Variants in PPP2R2A observed in about 807,000 individuals in gnomAD.
PPP2R2A encodes serine/threonine-protein phosphatase 2A 55 kDa regulatory subunit B alpha isoform.
Under a neutral mutation model 53.2 loss-of-function variants are expected in PPP2R2A, and 9 were observed. The observed-to-expected ratio is 0.17, with a 90% confidence interval of 0.10 to 0.30. The LOEUF is 0.30. PPP2R2A is among the 10% of genes least tolerant of loss of function. PPP2R2A has a pLI of 1.00. For missense variants in PPP2R2A, 235 were observed against 534.6 expected, an observed-to-expected ratio of 0.44 and a Z score of 5.53; for synonymous variants, 169 against 174.2, an observed-to-expected ratio of 0.97 and a Z score of 0.23.
intron 8 of PPP2R2A, 87 bp downstream of exon 8, chr8:26,363,977 C>G: frequency 8.0e-7 from 1 of 1,248,472 alleles, no homozygotes; most frequent in Non-Finnish European, 1.1e-6. Flanking sequence ...GGTTTTAATC[C>G]CTGTATGGTG....
intron 2 of PPP2R2A, among the ~76,000 whole-genome samples, chr8:26,316,691 T>C: frequency 6.6e-6 from 1 of 152,354 alleles, no homozygotes; most frequent in East Asian, 1.9e-4. Context: ...TCAAGGCAAC[T>C]GCAGATCTGG....
intron 2 of PPP2R2A, among the ~76,000 whole-genome samples, chr8:26,337,073 A>T (rs1204421194): frequency 6.6e-6 from 1 of 152,158 alleles, no homozygotes; most frequent in Non-Finnish European, 1.5e-5. Context: ...GGAAAGAGAT[A>T]AAATAAGTAA....
At chr8:26,330,227 A>C (rs1359476627) in intron 2 of PPP2R2A, among the ~76,000 whole-genome samples, 3 of 151,864 alleles carry the variant, frequency 2.0e-5, no homozygotes, top group Non-Finnish European at 4.4e-5. Flanking sequence ...TTCACTTCAA[A>C]TAGTATGTTT....
intron 1 of PPP2R2A, 133 bp from the exon 2 acceptor site, chr8:26,293,533 G>A (rs781659034): frequency 1.1e-5 from 9 of 832,724 alleles, no homozygotes; most frequent in Non-Finnish European, 1.7e-5. Flanking sequence ...CCAAACTGGT[G>A]CTCTTGGTGG....
chr8:26,327,897 A>C (rs1803176158), intron 2 of PPP2R2A, among the ~76,000 whole-genome samples: 1 of 152,182 alleles, frequency 6.6e-6, no homozygotes, highest in Non-Finnish European at 1.5e-5. Context: ...CATTGGAACA[A>C]ACCAGATCAA....
At chr8:26,313,195 G>A (rs936318704) in intron 2 of PPP2R2A, among the ~76,000 whole-genome samples, 7 of 151,726 alleles carry the variant, frequency 4.6e-5, no homozygotes, top group African/African-American at 1.2e-4. Flanking sequence ...CACCATGCCT[G>A]GCTAATTTTT....
At position 26,362,292 on chromosome 8, in the gene PPP2R2A, C is replaced by T. The variant is rs567958819; in HGVS notation, c.638-392C>T. ...CGGATGGATCATGAGGTCAGGAGGT[C>T]GAGACCAGCCTGGCCAACATAGTGA... On this transcript the variant is annotated intron_variant, in intron 6 of 9. Coordinates refer to ENST00000380737, the MANE Select transcript of PPP2R2A (RefSeq NM_002717.4). The surrounding 1 kb of genome is among the most constrained non-coding windows in gnomAD (Gnocchi z 4.4). 5.4e-4 allele frequency among the ~76,000 whole-genome samples: 80 copies of T among 149,070 alleles called. No individual in the cohort carries two copies. Among genetic ancestry groups the T allele is most frequent in the African/African-American group, 1.9e-3 (78 of 40,472 alleles).
intron 2 of PPP2R2A, among the ~76,000 whole-genome samples, chr8:26,327,440 A>G (rs112254134): frequency 1.6e-4 from 24 of 152,340 alleles, no homozygotes; most frequent in African/African-American, 5.5e-4. Context: ...GAGTAGGTCA[A>G]GCTTTATTCA....
chr8:26,344,506 AAT>A (rs1362710496), intron 3 of PPP2R2A, among the ~76,000 whole-genome samples: 8 of 152,238 alleles, frequency 5.3e-5, no homozygotes, highest in Admixed American at 3.3e-4. Context: ...TAGACTTTTT[AAT>A]ATGAGCTATT....
chr8:26,368,844 C>T (rs1313896683), intron 9 of PPP2R2A, among the ~76,000 whole-genome samples: 2 of 152,082 alleles, frequency 1.3e-5, no homozygotes, highest in African/African-American at 4.8e-5. Flanking sequence ...CGGTGGCTCA[C>T]GCCTGTAATC....
rs1236863895 is a variant in PPP2R2A at position 26,326,159 on chromosome 8, C to T, written c.83-12731C>T. Among the ~76,000 whole-genome samples the T allele has an allele frequency of 1.1e-4, 16 of 152,298 alleles. No homozygotes were observed. In the East Asian group the frequency reaches 3.1e-3, roughly 29 times the overall value. The stretch of plus-strand genomic sequence containing the variant: ...CTTGTTAGGTAAATGTTAAATGTTG[C>T]TGTCTAATGATAACCATATTTTACT... On this transcript the variant is annotated intron_variant, in intron 2 of 9. Transcript: ENST00000380737.
At chr8:26,325,678 T>C (rs2117281147) in intron 2 of PPP2R2A, among the ~76,000 whole-genome samples, 1 of 152,316 alleles carries the variant, frequency 6.6e-6, no homozygotes, top group South Asian at 2.1e-4. Flanking sequence ...ACTTTGGAAA[T>C]GTATCTTAAA....
chr8:26,296,598 T>C (rs917382245), intron 2 of PPP2R2A, among the ~76,000 whole-genome samples: 8 of 152,250 alleles, frequency 5.3e-5, no homozygotes, highest in African/African-American at 1.4e-4. Context: ...GTACCCCACA[T>C]CTCTACTGTT....
chr8:26,344,700 T>C (rs940212961), intron 3 of PPP2R2A, among the ~76,000 whole-genome samples: 2 of 152,200 alleles, frequency 1.3e-5, no homozygotes, highest in African/African-American at 2.4e-5. Flanking sequence ...TGTTAATCTT[T>C]TGGGGCTCCT....
In PPP2R2A at chr8:26,293,674, G is replaced by A; in HGVS notation, c.16G>A (p.Gly6Arg). The A allele has an allele frequency of 1.9e-6, 3 of 1,611,812 alleles. No individual in the cohort carries two copies. The highest frequency in any genetic ancestry group is 1.7e-6 in the Non-Finnish European group (2 of 1,179,138). ...ATGTTTTCTTTTTCCAGGAGCTGGA[G>A]GAGGGAATGATATTCAGTGGTGTTT... MAGAG[G>R]GNDIQWCFSQ... is the part of the protein sequence containing the mutation. Residue 6 changes from glycine to arginine, a missense_variant, in exon 2 of 10, where the codon GGA becomes AGA. Around this residue, in one of 3 missense-constraint regions of PPP2R2A, gnomAD observed 51 missense variants for 80.6 expected, o/e 0.63. Transcript: ENST00000380737.
At position 26,366,362 on chromosome 8, in the gene PPP2R2A, C is replaced by T. The variant is rs1349077101; in HGVS notation, c.1020C>T (p.Asp340=). The T allele has an allele frequency of 6.2e-7, 1 of 1,600,214 alleles. No homozygotes were observed. The highest frequency in any genetic ancestry group is 8.5e-7 in the Non-Finnish European group (1 of 1,175,356). The change falls in exon 9 of 10, where the codon GAC becomes GAT. Residue 340 remains aspartate, a synonymous_variant. Transcript: ENST00000380737. Reference sequence around the variant, plus strand: ...AACTCTGTTCACTGTATGAAAATGACTGCATATTTGACAAATTTGAATGTT... The same window carrying T: ...AACTCTGTTCACTGTATGAAAATGATTGCATATTTGACAAATTTGAATGTT... ...RSKLCSLYEN[D]CIFDKFECCW...
rs554575040 is a variant in PPP2R2A at position 26,331,065 on chromosome 8, A to G, written c.83-7825A>G. On this transcript the variant is annotated intron_variant, in intron 2 of 9. Coordinates refer to ENST00000380737, the MANE Select transcript of PPP2R2A (RefSeq NM_002717.4). ...ATGTCACTTCATAGATGCCCAGATC[A>G]GTATTCAGCCAAAGATTCTAAGTGA... 2.6e-5 allele frequency among the ~76,000 whole-genome samples: 4 copies of G among 152,228 alleles called. No homozygotes were observed. In the South Asian group the frequency reaches 8.3e-4, roughly 32 times the overall value.
At position 26,300,800 on chromosome 8, in the gene PPP2R2A, G is replaced by A. The variant is rs566565628; in HGVS notation, c.82+7060G>A. On this transcript the variant is annotated intron_variant, in intron 2 of 9. Coordinates refer to ENST00000380737, the MANE Select transcript of PPP2R2A (RefSeq NM_002717.4). ...TGGGAGGTGGAGGTTGCAGTGAGCC[G>A]AGATCGTGCCACTGCACTCCAGCCT... 8.6e-4 allele frequency among the ~76,000 whole-genome samples: 131 copies of A among 152,244 alleles called. 4 individuals carry two copies. In the South Asian group the frequency reaches 0.026, roughly 30 times the overall value.
rs367839260 is a variant in PPP2R2A, at chr8:26,308,900, G to T, written c.82+15160G>T. Among the ~76,000 whole-genome samples the T allele has an allele frequency of 5.3e-5, 8 of 151,910 alleles. No homozygotes were observed. In the East Asian group the frequency reaches 1.2e-3, roughly 22 times the overall value. The stretch of plus-strand genomic sequence containing the variant: ...CTTTTTTTGAGATAGGGTCTCTGTT[G>T]CCCAGGCTGCAGTGCAGTGGTGTGA... On this transcript the variant is annotated intron_variant, in intron 2 of 9. Transcript: ENST00000380737.
Sources: allele counts gnomAD v4.1 joint callset (sites outside exome capture counted in the v4.1 genomes callset), GRCh38; gene constraint gnomAD v4.1.1; regional missense constraint gnomAD v4.1.1; non-coding constraint Gnocchi (gnomAD v3.1); transcripts MANE v1.5; gene names NCBI Gene and HGNC (gene_info 2026-07-23, HGNC 2026-07-21).